SHPRH: variants seen among roughly 807,000 people sequenced by gnomAD.
SHPRH encodes E3 ubiquitin-protein ligase SHPRH.
In SHPRH, 106 loss-of-function variants were observed where a neutral mutation model predicts 202.5. The ratio of observed to expected loss-of-function variants is 0.52; its 90% confidence interval spans 0.45 to 0.62. The LOEUF (loss-of-function observed/expected upper bound fraction) is 0.62, where lower values mean the gene tolerates loss of function less well. SHPRH is among the 20% of genes least tolerant of loss of function. The pLI is 0.00. For missense variants in SHPRH, 1,710 were observed against 2,020.0 expected (o/e 0.85, Z 2.94); for synonymous variants, 729 against 686.0 (o/e 1.06, Z -0.98).
chr6:145,932,776 A>T (rs1334711041), intron 14 of SHPRH, among the ~76,000 whole-genome samples: 2 of 152,224 alleles, frequency 1.3e-5, no homozygotes, highest in Non-Finnish European at 2.9e-5. Flanking sequence ...AAAGTCTAAG[A>T]TTAACAACTT....
At chr6:145,880,632 G>GA (rs373352803), downstream of SHPRH, among the ~76,000 whole-genome samples, 127 of 119,890 alleles carry the variant, frequency 1.1e-3, no homozygotes, top group Middle Eastern at 0.013. Flanking sequence ...TTGTCTCAAA[G>GA]AAAAAAAAAA....
chr6:145,910,775 T>C, intron 24 of SHPRH, 139 bp from the exon 25 acceptor site: 2 of 807,198 alleles, frequency 2.5e-6, no homozygotes, highest in Non-Finnish European at 1.8e-6. Flanking sequence ...AAGTTGTGCC[T>C]TCAAATTAAT....
chr6:145,915,851 C>A (rs1178339402), intron 23 of SHPRH, among the ~76,000 whole-genome samples: 1 of 151,730 alleles, frequency 6.6e-6, no homozygotes, highest in Non-Finnish European at 1.5e-5. Flanking sequence ...TTCTGAACTT[C>A]TTGAATCTTT....
chr6:145,924,560 A>T (rs1473097911), intron 17 of SHPRH, among the ~76,000 whole-genome samples, 179 bp downstream of exon 17: 1 of 151,922 alleles, frequency 6.6e-6, no homozygotes, highest in African/African-American at 2.4e-5. Context: ...GCATCTGTTC[A>T]CTCAACCAAT....
intron 9 of SHPRH, among the ~76,000 whole-genome samples, chr6:145,942,671 C>T (rs1016919364): frequency 6.6e-6 from 1 of 152,138 alleles, no homozygotes; most frequent in Non-Finnish European, 1.5e-5. Context: ...TTTTAAAACT[C>T]AGCAGTTCCT....
intron 10 of SHPRH, 52 bp from the exon 11 acceptor site, chr6:145,940,853 G>A: frequency 6.3e-7 from 1 of 1,582,126 alleles, no homozygotes; most frequent in Non-Finnish European, 8.7e-7. Context: ...ACCACAGAAA[G>A]AACACAGAAG....
intron 25 of SHPRH, among the ~76,000 whole-genome samples, chr6:145,897,723 T>G (rs531960498): frequency 1.2e-4 from 19 of 152,196 alleles, no homozygotes; most frequent in Admixed American, 1.2e-3. Flanking sequence ...AAGGATGGTT[T>G]AACGTATGCA....
intron 25 of SHPRH, 117 bp downstream of exon 25, chr6:145,910,331 T>C (rs1783383424): frequency 1.8e-6 from 2 of 1,142,070 alleles, no homozygotes; most frequent in African/African-American, 3.1e-5. Flanking sequence ...CAGACAACAG[T>C]GGCGTCTACC....
intron 4 of SHPRH, among the ~76,000 whole-genome samples, chr6:145,949,298 A>T (rs1368093521): frequency 6.6e-6 from 1 of 152,126 alleles, no homozygotes; most frequent in Non-Finnish European, 1.5e-5. Context: ...TTGCAAAGAT[A>T]TGAAATCAAC....
downstream of SHPRH, chr6:145,883,643 TTATAAA>T (rs1427622435): frequency 6.6e-6 from 1 of 152,212 alleles, no homozygotes; most frequent in Non-Finnish European, 1.5e-5. Context: ...ACAGAAAATT[TTATAAA>T]ACTGTTAACT....
chr6:145,867,775 TTTGATTTTATC>T (rs1210585482), intron 2 of SHPRH, among the ~76,000 whole-genome samples: 5 of 150,576 alleles, frequency 3.3e-5, no homozygotes, highest in Non-Finnish European at 7.4e-5. Context: ...CTGGCAACAC[TTTGATTTTATC>T]CCAGAAAAAC....
chr6:145,927,236 G>T lies in SHPRH; in HGVS notation c.3154C>A (p.Arg1052Ser). ...TTTCCTTTGTGTTCCTCCGAGGAGC[G>T]CAACACTTCTCTGTACAATTCTGCT... ...LAAELYREVL[R>S]SSEEHKGKLK... is the part of the protein sequence containing the mutation. The change falls in exon 15 of 30, where the codon CGC becomes AGC. Residue 1052 changes from arginine (R) to serine (S), a missense_variant. Coordinates refer to ENST00000275233, the MANE Select transcript of SHPRH (RefSeq NM_001042683.3). 6.2e-7 allele frequency: 1 copy of T among 1,611,906 alleles called. No individual in the cohort carries two copies. The highest frequency in any genetic ancestry group is 8.5e-7 in the Non-Finnish European group (1 of 1,178,830).
intron 13 of SHPRH, among the ~76,000 whole-genome samples, chr6:145,934,421 G>A (rs1448554659): frequency 1.7e-5 from 2 of 116,906 alleles, no homozygotes; most frequent in Non-Finnish European, 4.0e-5. Flanking sequence ...AGCTGAGATT[G>A]TGCCACTGCA....
At chr6:145,934,210 G>T (rs904863071) in intron 13 of SHPRH, among the ~76,000 whole-genome samples, 14 of 151,884 alleles carry the variant, frequency 9.2e-5, no homozygotes, top group African/African-American at 3.4e-4. Flanking sequence ...GGTGGCTCAC[G>T]CCTGTAATCC....
At chr6:145,872,963 TAC>T (rs1562271921) in intron 2 of SHPRH, among the ~76,000 whole-genome samples, 1 of 152,140 alleles carries the variant, frequency 6.6e-6, no homozygotes, top group Non-Finnish European at 1.5e-5. Context: ...TGTTCTCACT[TAC>T]AAGTGGGAGC....
chr6:145,949,237 A>C (rs1787724335), intron 4 of SHPRH, among the ~76,000 whole-genome samples: 1 of 152,034 alleles, frequency 6.6e-6, no homozygotes, highest in Non-Finnish European at 1.5e-5. Context: ...ACAAGTCATT[A>C]TATCAAAAAG....
downstream of SHPRH, chr6:145,883,900 G>T (rs1583284705): frequency 6.6e-6 from 1 of 151,926 alleles, no homozygotes; most frequent in Admixed American, 6.6e-5. Flanking sequence ...TAGAAAAATT[G>T]AAAGATACCT....
chr6:145,867,854 C>T (rs1431117042), intron 2 of SHPRH, among the ~76,000 whole-genome samples: 2 of 151,848 alleles, frequency 1.3e-5, no homozygotes, highest in East Asian at 1.9e-4. Flanking sequence ...TTCTAAGCCA[C>T]TCAGTTCATG....
chr6:145,940,191 T>C (rs1019876340), intron 11 of SHPRH, among the ~76,000 whole-genome samples: 2 of 152,078 alleles, frequency 1.3e-5, no homozygotes, highest in Non-Finnish European at 2.9e-5. Flanking sequence ...AAAGGAATGG[T>C]AGAAACAATA....
Sources: allele counts gnomAD v4.1 joint callset (sites outside exome capture counted in the v4.1 genomes callset), GRCh38; gene constraint gnomAD v4.1.1; transcripts MANE v1.5; gene names NCBI Gene and HGNC (gene_info 2026-07-23, HGNC 2026-07-21).